Variants in SHANK2 observed in about 807,000 individuals in gnomAD.
SHANK2 encodes the protein SH3 and multiple ankyrin repeat domains protein 2.
Under a neutral mutation model 133.7 loss-of-function variants are expected in SHANK2, and 43 were observed. That is an observed-to-expected ratio of 0.32 (90% CI 0.25 to 0.41). SHANK2 has a LOEUF of 0.41. SHANK2 is among the 10% of genes least tolerant of loss of function. The pLI is 1.00. For missense variants in SHANK2, 1,994 were observed against 2,235.8 expected, an observed-to-expected ratio of 0.89 and a Z score of 2.18; for synonymous variants, 1,017 against 952.8, an observed-to-expected ratio of 1.07 and a Z score of -1.24.
chr11:70,887,363 A>AT (rs11424770), intron 11 of SHANK2, among the ~76,000 whole-genome samples: 134,973 of 146,568 alleles, frequency 0.92, 62,339 homozygotes, highest in Non-Finnish European at 0.97. Flanking sequence ...GTCCCATTTA[A>AT]TTTTTTTTTT....
At chr11:70,792,129 A>G (rs1947800914) in intron 14 of SHANK2, among the ~76,000 whole-genome samples, 1 of 151,652 alleles carries the variant, frequency 6.6e-6, no homozygotes, top group African/African-American at 2.4e-5. Flanking sequence ...CCAACCAACC[A>G]ACTAACCAAT....
intron 12 of SHANK2, among the ~76,000 whole-genome samples, chr11:70,819,915 G>A (rs557719953): frequency 1.3e-5 from 2 of 152,278 alleles, no homozygotes; most frequent in South Asian, 4.1e-4. Flanking sequence ...TGCCACCCAC[G>A]TGTGCACCCT....
intron 17 of SHANK2, among the ~76,000 whole-genome samples, chr11:70,600,377 C>T (rs2060475970): frequency 7.0e-6 from 1 of 142,768 alleles, no homozygotes; most frequent in Non-Finnish European, 1.5e-5. Context: ...CGAGATTGCG[C>T]CACTGCACTC....
At chr11:71,160,824 G>A (rs1472319797) in intron 2 of SHANK2, among the ~76,000 whole-genome samples, 1 of 152,172 alleles carries the variant, frequency 6.6e-6, no homozygotes, top group South Asian at 2.1e-4. Flanking sequence ...GGTTATTTCA[G>A]CTCCAGCAAT....
intron 14 of SHANK2, among the ~76,000 whole-genome samples, chr11:70,790,361 C>T (rs560883052): frequency 7.2e-5 from 11 of 152,322 alleles, no homozygotes; most frequent in South Asian, 4.1e-4. Context: ...TATGGGCCAA[C>T]GGACCAGGCT....
chr11:70,502,386 G>A, intron 18 of SHANK2, 100 bp from the exon 19 acceptor site: 2 of 1,099,536 alleles, frequency 1.8e-6, no homozygotes, highest in East Asian at 2.6e-5. Flanking sequence ...TGGGTCTCAG[G>A]CTGTTTGGCT....
intron 11 of SHANK2, among the ~76,000 whole-genome samples, chr11:70,872,699 C>G (rs1949489214): frequency 6.6e-6 from 1 of 152,124 alleles, no homozygotes; most frequent in Non-Finnish European, 1.5e-5. Flanking sequence ...CCTGGTGTAT[C>G]TCCTCCACGT....
intron 11 of SHANK2, among the ~76,000 whole-genome samples, chr11:70,851,735 T>C (rs1343818345): frequency 6.6e-6 from 1 of 152,208 alleles, no homozygotes; most frequent in Non-Finnish European, 1.5e-5. Flanking sequence ...CCATGACTAT[T>C]AGAGGCTAGC....
At chr11:70,880,295 T>C (rs1436111555) in intron 11 of SHANK2, among the ~76,000 whole-genome samples, 7 of 152,216 alleles carry the variant, frequency 4.6e-5, no homozygotes, top group African/African-American at 1.7e-4. Flanking sequence ...TCGGGCATCC[T>C]GGTCGAAAGA....
At chr11:70,829,450 A>G (rs1327679143) in intron 11 of SHANK2, among the ~76,000 whole-genome samples, 2 of 152,024 alleles carry the variant, frequency 1.3e-5, no homozygotes, top group African/African-American at 4.8e-5. Flanking sequence ...TTCCCAAGAC[A>G]AGGCCCCGTC....
At chr11:70,873,065 C>A (rs1023824869) in intron 11 of SHANK2, 1 of 471,262 alleles carries the variant, frequency 2.1e-6, no homozygotes, top group East Asian at 7.0e-5. Context: ...CTCTGCCTCC[C>A]GGGTGGCGAC....
At chr11:70,514,353 G>T (rs917685479) in intron 17 of SHANK2, among the ~76,000 whole-genome samples, 5 of 152,182 alleles carry the variant, frequency 3.3e-5, no homozygotes, top group Admixed American at 2.0e-4. Context: ...GTTATTTGTT[G>T]CCAGAAAGCC....
At chr11:70,483,536 CAAAAAAAAAAA>C (rs10590898) in intron 25 of SHANK2, among the ~76,000 whole-genome samples, 6 of 44,518 alleles carry the variant, frequency 1.3e-4, no homozygotes, top group Admixed American at 6.4e-4. Context: ...TCATCTCTAC[CAAAAAAAAAAA>C]AAAAAAAAAA....
At chr11:70,691,366 G>T (rs1555020995) in intron 15 of SHANK2, among the ~76,000 whole-genome samples, 1 of 152,142 alleles carries the variant, frequency 6.6e-6, no homozygotes, top group African/African-American at 2.4e-5. Context: ...CCCCGTTTAG[G>T]CACTGGGAGG....
At chr11:70,892,684 C>T (rs566357815) in intron 11 of SHANK2, among the ~76,000 whole-genome samples, 2 of 152,312 alleles carry the variant, frequency 1.3e-5, no homozygotes, top group East Asian at 3.9e-4. Flanking sequence ...CGGTGCCCTG[C>T]CTGCATCTCC....
intron 14 of SHANK2, among the ~76,000 whole-genome samples, chr11:70,783,027 G>A (rs773471118): frequency 8.7e-4 from 133 of 152,212 alleles, no homozygotes; most frequent in Non-Finnish European, 1.6e-3. Context: ...GATTCCTGCC[G>A]TCCTAAGAAG....
intron 14 of SHANK2, among the ~76,000 whole-genome samples, chr11:70,753,152 G>A (rs1946790900): frequency 6.8e-6 from 1 of 148,140 alleles, no homozygotes. Flanking sequence ...ACAAACATGA[G>A]GCAGAAACCA....
intron 17 of SHANK2, among the ~76,000 whole-genome samples, chr11:70,546,072 T>C (rs58407434): frequency 0.017 from 2,524 of 151,760 alleles, 80 homozygotes; most frequent in African/African-American, 0.059. Flanking sequence ...CAAGCCTGGT[T>C]GTTTTTTATA....
At chr11:70,686,229 TCCACCCACCCACCCACCCAC>T (rs1194509014) in intron 15 of SHANK2, among the ~76,000 whole-genome samples, 2 of 82,950 alleles carry the variant, frequency 2.4e-5, no homozygotes, top group African/African-American at 5.2e-5. Flanking sequence ...CATCCATCCA[TCCACCCACCCACCCACCCAC>T]CCATCCACAC....
Sources: allele counts gnomAD v4.1 joint callset (sites outside exome capture counted in the v4.1 genomes callset), GRCh38; gene constraint gnomAD v4.1.1; transcripts MANE v1.5; gene names NCBI Gene and HGNC (gene_info 2026-07-23, HGNC 2026-07-21).